Variants in EPB41 observed in about 807,000 individuals in gnomAD.
EPB41 encodes the protein protein 4.1.
Under a neutral mutation model 108.0 loss-of-function variants are expected in EPB41, and 65 were observed. The ratio of observed to expected loss-of-function variants is 0.60; its 90% CI spans 0.49 to 0.74. The LOEUF (loss-of-function observed/expected upper bound fraction) is 0.74, where lower values mean the gene tolerates loss of function less well. Among genes scored for constraint, EPB41 ranks in the 30% least tolerant of loss-of-function variants. EPB41 has a pLI of 0.00. For synonymous variants in EPB41, 336 were observed against 358.9 expected (o/e 0.94, Z 0.72); for missense variants, 875 against 1,037.0 (o/e 0.84, Z 2.15).
At chr1:29,024,553 A>G (rs991184817) in intron 7 of EPB41, among the ~76,000 whole-genome samples, 1 of 151,528 alleles carries the variant, frequency 6.6e-6, no homozygotes, top group Non-Finnish European at 1.5e-5. Flanking sequence ...AATTGCTTAA[A>G]CCTGGAGGGG....
rs1211742847 is a variant in EPB41, at chr1:28,979,285, A to G, written c.-7-8146A>G. Among the ~76,000 whole-genome samples the G allele has an allele frequency of 1.3e-5, 2 of 151,586 alleles. 1 individual carries two copies. The highest frequency in any genetic ancestry group is 2.9e-5 in the Non-Finnish European group (2 of 68,016). On this transcript the variant is annotated intron_variant, in intron 1 of 20. Coordinates refer to ENST00000343067, the MANE Select transcript of EPB41 (RefSeq NM_001376013.1). ...AAGCAATACCAAAACTTTCCAATGG[A>G]CCACATATACTTACAAAATTTGTAG...
intron 1 of EPB41, among the ~76,000 whole-genome samples, chr1:28,944,227 G>A (rs983249731): frequency 3.9e-5 from 6 of 151,996 alleles, no homozygotes; most frequent in African/African-American, 1.4e-4. Context: ...GTGTGGAGGC[G>A]GGGGCTGGGA....
chr1:29,051,624 C>T (rs1377000902), intron 11 of EPB41, among the ~76,000 whole-genome samples: 2 of 151,844 alleles, frequency 1.3e-5, no homozygotes, highest in African/African-American at 2.4e-5. Flanking sequence ...TGGCTGGGAG[C>T]GGTGGCTCAC....
At chr1:29,011,735 C>CA in intron 4 of EPB41, 130 bp from the exon 5 acceptor site, 2 of 1,003,316 alleles carry the variant, frequency 2.0e-6, no homozygotes, top group Non-Finnish European at 3.0e-6. Context: ...GAAATTAATG[C>CA]AAAGACTATC....
intron 1 of EPB41, among the ~76,000 whole-genome samples, chr1:28,891,777 C>G (rs1037521482): frequency 2.6e-5 from 4 of 152,040 alleles, no homozygotes; most frequent in Admixed American, 6.6e-5. Flanking sequence ...AGGAGTTGTG[C>G]TGGAGAGAAG....
At chr1:29,068,691 A>G (rs1649701314) in intron 16 of EPB41, 1 of 1,196,722 alleles carries the variant, frequency 8.4e-7, no homozygotes, top group Non-Finnish European at 1.0e-6. Flanking sequence ...TTGTTGTTGC[A>G]TTGCAAGGCA....
intron 18 of EPB41, 188 bp downstream of exon 18, chr1:29,109,625 C>A: frequency 6.2e-6 from 4 of 645,040 alleles, no homozygotes; most frequent in Non-Finnish European, 8.4e-6. Flanking sequence ...TAGGGAGATA[C>A]CCTGAGAGTA....
intron 1 of EPB41, among the ~76,000 whole-genome samples, chr1:28,964,597 ACT>A (rs1288203426): frequency 1.3e-5 from 2 of 152,030 alleles, no homozygotes; most frequent in Non-Finnish European, 1.5e-5. Flanking sequence ...TGAGAGTGAG[ACT>A]CTGTCTCAAA....
intron 11 of EPB41, among the ~76,000 whole-genome samples, chr1:29,040,428 G>C (rs1641046834): frequency 6.6e-6 from 1 of 152,002 alleles, no homozygotes; most frequent in African/African-American, 2.4e-5. Context: ...TTACAGGCGT[G>C]TGCCACCATT....
rs1312845374 is a variant in EPB41 at position 29,018,739 on chromosome 1, C to G, written c.1124+297C>G. Among the ~76,000 whole-genome samples, 3 of 152,112 alleles carry G rather than the reference C, an allele frequency of 2.0e-5. No homozygotes were observed. The highest frequency in any genetic ancestry group is 4.4e-5 in the Non-Finnish European group (3 of 68,026). On this transcript the variant is annotated intron_variant, in intron 7 of 20. Transcript: ENST00000343067. The surrounding 1 kb of genome is among the most constrained non-coding windows in gnomAD (Gnocchi z 4.4). ...AGCTATTATTATTTTTGTTTCCTTA[C>G]CTTTTATTTTTTATCAGATTTAAAG...
At chr1:28,932,426 T>C (rs1249084962) in intron 1 of EPB41, among the ~76,000 whole-genome samples, 2 of 151,294 alleles carry the variant, frequency 1.3e-5, no homozygotes, top group African/African-American at 4.9e-5. Context: ...CTGGCCTCTA[T>C]ATTTTTATCT....
intron 17 of EPB41, among the ~76,000 whole-genome samples, chr1:29,106,411 G>T (rs1349778820): frequency 6.6e-6 from 1 of 151,940 alleles, no homozygotes; most frequent in Non-Finnish European, 1.5e-5. Flanking sequence ...GTGCTACGGT[G>T]TAGGCAGAAC....
intron 1 of EPB41, chr1:28,889,979 C>T (rs74067225): frequency 0.033 from 5,407 of 165,764 alleles, 337 homozygotes; most frequent in African/African-American, 0.12. Flanking sequence ...TCAGAATTTT[C>T]CCAGGGCCTT....
chr1:28,890,464 A>G (rs113674247), intron 1 of EPB41, among the ~76,000 whole-genome samples: 80 of 152,222 alleles, frequency 5.3e-4, no homozygotes, highest in African/African-American at 1.8e-3. Context: ...TAAAGTCTCT[A>G]CGGGTCTTCC....
chr1:28,971,718 A>G (rs990094841), intron 1 of EPB41, among the ~76,000 whole-genome samples: 16 of 152,332 alleles, frequency 1.1e-4, no homozygotes, highest in Non-Finnish European at 1.5e-4. Flanking sequence ...TGAAAGAGCT[A>G]ATCATCACTA....
intron 16 of EPB41, among the ~76,000 whole-genome samples, chr1:29,075,243 C>T (rs542059302): frequency 1.1e-4 from 16 of 151,590 alleles, no homozygotes; most frequent in Admixed American, 5.3e-4. Flanking sequence ...CTCGGAAGGC[C>T]GAGGTGGGCA....
chr1:29,099,232 A>G (rs1318166743), intron 17 of EPB41, among the ~76,000 whole-genome samples: 1 of 149,068 alleles, frequency 6.7e-6, no homozygotes, highest in African/African-American at 2.5e-5. Context: ...TCTTGAACAC[A>G]GGAGGTTGCA....
Position 29,053,153 on chromosome 1 carries a change from T to G in EPB41, c.1686T>G (p.Pro562=). ...ADRSPRPTSA[P]AITQGQVAEG... ...GAAGTCCTCGGCCCACTTCTGCACC[T>G]GCCATTACTCAGGGTCAGGTTGCAG... Residue 562 remains proline (P), a synonymous_variant, in exon 12 of 21, where the codon CCT becomes CCG. Transcript: ENST00000343067. The G allele has an allele frequency of 6.2e-7, 1 of 1,614,182 alleles. No homozygotes were observed. Among genetic ancestry groups the G allele is most frequent in the Non-Finnish European group, 8.5e-7 (1 of 1,180,040 alleles).
intron 11 of EPB41, 59 bp from the exon 12 acceptor site, chr1:29,053,045 T>C (rs938856254): frequency 8.2e-6 from 13 of 1,583,344 alleles, no homozygotes; most frequent in Non-Finnish European, 6.9e-6. Context: ...CTGGTGACTT[T>C]GAAATAATAC....
Sources: allele counts gnomAD v4.1 joint callset (sites outside exome capture counted in the v4.1 genomes callset), GRCh38; gene constraint gnomAD v4.1.1; non-coding constraint Gnocchi (gnomAD v3.1); transcripts MANE v1.5; gene names NCBI Gene and HGNC (gene_info 2026-07-23, HGNC 2026-07-21).